The following ITGA2 variants were observed in gnomAD, a reference collection of about 807,000 sequenced individuals.
ITGA2 encodes integrin alpha-2.
A neutral mutation model predicts 146.3 loss-of-function variants in ITGA2; 101 were observed. The observed-to-expected ratio is 0.69, with a 90% CI of 0.59 to 0.81. The LOEUF (loss-of-function observed/expected upper bound fraction) is 0.81. Ranked by LOEUF, ITGA2 falls within the 40% of genes least tolerant of loss-of-function variation. The pLI is 0.00. For missense variants in ITGA2, 1,281 were observed against 1,402.7 expected (o/e 0.91, Z 1.39); for synonymous variants, 477 against 487.1 (o/e 0.98, Z 0.27).
Position 53,087,017 on chromosome 5 carries a change from T to C in ITGA2, c.3324T>C (p.Tyr1108=), listed in dbSNP as rs772014693. The change falls in exon 28 of 30, where the codon TAT becomes TAC. Residue 1108 remains tyrosine, a synonymous_variant. Transcript: ENST00000296585. ...AEINTYNPEI[Y]VIEDNTVTIP... ...TCAACACCTATAACCCTGAGATATA[T>C]GTGATTGAAGATAACACTGTTACGG... 148 of 1,613,148 alleles carry C rather than the reference T, an allele frequency of 9.2e-5. 1 individual carries two copies. In the East Asian group the frequency reaches 3.1e-3, roughly 34 times the overall value.
At chr5:53,060,063 A>G (rs1744830458) in intron 11 of ITGA2, 51 bp downstream of exon 11, 2 of 1,592,072 alleles carry the variant, frequency 1.3e-6, no homozygotes, top group Non-Finnish European at 1.7e-6. Context: ...CTTGCTTTAA[A>G]CCAGCTCTTT....
At chr5:53,016,549 G>A (rs527453463) in intron 1 of ITGA2, among the ~76,000 whole-genome samples, 5 of 152,088 alleles carry the variant, frequency 3.3e-5, no homozygotes, top group Non-Finnish European at 7.4e-5. Context: ...TGGAGAATCC[G>A]ATGACTATGT....
intron 25 of ITGA2, 47 bp downstream of exon 25, chr5:53,080,668 A>T: frequency 7.6e-7 from 1 of 1,315,684 alleles, no homozygotes; most frequent in Non-Finnish European, 1.1e-6. Context: ...CAAGATGTAA[A>T]TAACCCATGA....
chr5:53,072,552 T>G, intron 18 of ITGA2, 61 bp from the exon 19 acceptor site: 1 of 1,044,880 alleles, frequency 9.6e-7, no homozygotes, highest in Non-Finnish European at 1.5e-6. Context: ...CTATGTATTC[T>G]TCTGTAATTT....
At chr5:53,075,418 A>G in intron 23 of ITGA2, 114 bp downstream of exon 23, 1 of 851,226 alleles carries the variant, frequency 1.2e-6, no homozygotes, top group South Asian at 1.4e-5. Context: ...AAGAATTTGA[A>G]TTAAAATTCT....
At position 53,007,368 on chromosome 5, in the gene ITGA2, T is replaced by A. The variant is rs527657944; in HGVS notation, c.64+17836T>A. Among the ~76,000 whole-genome samples the A allele has an allele frequency of 5.6e-4, 85 of 152,282 alleles. 1 individual carries two copies. The highest frequency in any genetic ancestry group is 3.4e-3 in the Middle Eastern group (1 of 294). ...GAACAGGGTATAATAAAAGAAATAC[T>A]AACTTCAGTTATGTCTGTTTTTTCC... On this transcript the variant is annotated intron_variant, in intron 1 of 29. Transcript: ENST00000296585.
intron 9 of ITGA2, among the ~76,000 whole-genome samples, chr5:53,056,919 G>A (rs1210796273): frequency 6.6e-6 from 1 of 151,850 alleles, no homozygotes; most frequent in African/African-American, 2.4e-5. Context: ...GGAAACCTAT[G>A]TATCAGGTAC....
chr5:53,015,418 C>T (rs1288383318), intron 1 of ITGA2, among the ~76,000 whole-genome samples: 1 of 151,930 alleles, frequency 6.6e-6, no homozygotes, highest in African/African-American at 2.4e-5. Flanking sequence ...GCAATCTTCT[C>T]AGTATTGATT....
intron 11 of ITGA2, 79 bp from the exon 12 acceptor site, chr5:53,060,822 G>A (rs1744870131): frequency 7.4e-7 from 1 of 1,345,004 alleles, no homozygotes; most frequent in Non-Finnish European, 1.1e-6. Flanking sequence ...AGGATCTCTG[G>A]TCACCTTTAC....
At chr5:53,014,296 G>T (rs1742297558) in intron 1 of ITGA2, among the ~76,000 whole-genome samples, 1 of 152,062 alleles carries the variant, frequency 6.6e-6, no homozygotes, top group African/African-American at 2.4e-5. Flanking sequence ...TTTGTTGAGG[G>T]TATTTAACTT....
chr5:53,051,326 T>C, intron 6 of ITGA2, 85 bp from the exon 7 acceptor site: 1 of 1,418,838 alleles, frequency 7.0e-7, no homozygotes, highest in South Asian at 1.2e-5. Context: ...TGTCTAAATG[T>C]ACTTTTGATT....
At chr5:53,020,427 A>G (rs1357313909) in intron 1 of ITGA2, among the ~76,000 whole-genome samples, 1 of 152,186 alleles carries the variant, frequency 6.6e-6, no homozygotes, top group Admixed American at 6.5e-5. Context: ...GTCTATAGGC[A>G]TAAATGTAGG....
At chr5:52,993,734 A>C (rs1378790640) in intron 1 of ITGA2, among the ~76,000 whole-genome samples, 1 of 152,232 alleles carries the variant, frequency 6.6e-6, no homozygotes, top group Non-Finnish European at 1.5e-5. Context: ...ATGTGTATAA[A>C]GTCAAGAATT....
chr5:53,051,461 C>G lies in ITGA2; in HGVS notation c.681C>G (p.Asn227Lys), dbSNP rs747789625. The G allele has an allele frequency of 1.2e-6, 2 of 1,613,458 alleles. No individual in the cohort carries two copies. Among genetic ancestry groups the G allele is most frequent in the Non-Finnish European group, 1.7e-6 (2 of 1,179,606 alleles). Residue 227 changes from asparagine (N) to lysine (K), a missense_variant, in exon 7 of 30, where the codon AAC becomes AAG. Physicochemically the swap from Asn to Lys is moderately conservative, Grantham distance 94 (BLOSUM62 0). Around this residue, in one of 3 missense-constraint regions of ITGA2, gnomAD observed 795 missense variants for 841.7 expected, o/e 0.94. Transcript: ENST00000296585. Reference sequence around the variant, plus strand: ...ATCCAAGAGTTGTGTTTAACTTGAACACATATAAAACCAAAGAAGAAATGA... The same window carrying G: ...ATCCAAGAGTTGTGTTTAACTTGAAGACATATAAAACCAAAGAAGAAATGA... ...ANNPRVVFNL[N>K]TYKTKEEMIV... is the part of the protein sequence containing the mutation.
chr5:52,990,493 C>T (rs1305286823), intron 1 of ITGA2, among the ~76,000 whole-genome samples: 1 of 151,020 alleles, frequency 6.6e-6, no homozygotes, highest in African/African-American at 2.4e-5. Context: ...GAAGGAGACA[C>T]GTTTGTATAA....
intron 2 of ITGA2, among the ~76,000 whole-genome samples, chr5:53,036,884 G>A (rs1273704485): frequency 3.3e-5 from 5 of 152,062 alleles, no homozygotes; most frequent in African/African-American, 1.2e-4. Flanking sequence ...ACCATTCAAG[G>A]AATGGTGTCC....
intron 19 of ITGA2, among the ~76,000 whole-genome samples, 186 bp from the exon 20 acceptor site, chr5:53,072,932 A>G (rs889439319): frequency 6.6e-6 from 1 of 151,880 alleles, no homozygotes; most frequent in African/African-American, 2.4e-5. Flanking sequence ...ACAAAGAACA[A>G]TCCAATTGCA....
At chr5:53,001,744 G>A (rs9292003) in intron 1 of ITGA2, among the ~76,000 whole-genome samples, 32,781 of 150,412 alleles carry the variant, frequency 0.22, 3,658 homozygotes, top group Non-Finnish European at 0.23. Context: ...GGAGGATGAG[G>A]CAAGAGGATC....
At chr5:53,090,436 AGGAC>A in intron 29 of ITGA2, 79 bp from the exon 30 acceptor site, 4 of 1,097,016 alleles carry the variant, frequency 3.6e-6, no homozygotes, top group Non-Finnish European at 5.6e-6. Flanking sequence ...GGTGCATCAG[AGGAC>A]GTGGGCAGCC....
Sources: allele counts gnomAD v4.1 joint callset (sites outside exome capture counted in the v4.1 genomes callset), GRCh38; gene constraint gnomAD v4.1.1; regional missense constraint gnomAD v4.1.1; transcripts MANE v1.5; gene names NCBI Gene and HGNC (gene_info 2026-07-23, HGNC 2026-07-21).